Variants in CYP3A5 observed in about 807,000 individuals in gnomAD.
CYP3A5 encodes the protein cytochrome P450 3A5.
A neutral mutation model predicts 55.9 loss-of-function variants in CYP3A5; 51 were observed. The observed-to-expected ratio is 0.91, with a 90% CI of 0.73 to 1.15. CYP3A5 has a LOEUF of 1.15. Among genes scored for constraint, CYP3A5 ranks in the 50% most tolerant of loss-of-function variants. The pLI is 0.00. For synonymous variants in CYP3A5, 196 were observed against 213.9 expected, an observed-to-expected ratio of 0.92 and a Z score of 0.73; for missense variants, 533 against 596.6, an observed-to-expected ratio of 0.89 and a Z score of 1.11.
intron 1 of CYP3A5, among the ~76,000 whole-genome samples, chr7:99,679,128 C>T (rs961396734): frequency 6.6e-6 from 1 of 152,132 alleles, no homozygotes; most frequent in African/African-American, 2.4e-5. Flanking sequence ...AATAAATCCT[C>T]GAAACTTCCT....
At chr7:99,671,883 G>A (rs188854304) in intron 4 of CYP3A5, 52 of 701,750 alleles carry the variant, frequency 7.4e-5, no homozygotes, top group African/African-American at 3.3e-4. Flanking sequence ...ACAAATCTAC[G>A]AATGTGAAAA....
At chr7:99,677,821 GAACTTTAAACACATTACCTGACC>G (rs1252621523) in intron 1 of CYP3A5, among the ~76,000 whole-genome samples, 6 of 152,200 alleles carry the variant, frequency 3.9e-5, no homozygotes, top group African/African-American at 1.4e-4. Context: ...CTCTGCTCCT[GAACTTTAAACACATTACCTGACC>G]TCTCAGGTGA....
chr7:99,664,113 C>G lies in CYP3A5; in HGVS notation c.671-18G>C, dbSNP rs957586397. On this transcript the variant is annotated intron_variant, in intron 7 of 12. Coordinates refer to ENST00000222982, the MANE Select transcript of CYP3A5 (RefSeq NM_000777.5). ...AAAGAGTACTGTGGGAAAAACAAAA[C>G]AAACAAAAGGAAATCATTGAAAATG... 5 of 1,546,794 alleles carry G rather than the reference C, an allele frequency of 3.2e-6. No individual in the cohort carries two copies. The Admixed American group carries it at 9.4e-5, about 29-fold the overall frequency.
chr7:99,650,887 C>A (rs1020890076), intron 11 of CYP3A5, among the ~76,000 whole-genome samples: 4 of 152,180 alleles, frequency 2.6e-5, no homozygotes, highest in African/African-American at 9.7e-5. Context: ...GTCATCCCTG[C>A]TTTCCTTGAT....
intron 4 of CYP3A5, among the ~76,000 whole-genome samples, chr7:99,669,853 C>G (rs988677281): frequency 1.2e-4 from 19 of 152,144 alleles, no homozygotes; most frequent in African/African-American, 3.9e-4. Context: ...GCTACAGATG[C>G]TGCCCTGGCG....
At chr7:99,677,487 T>C (rs1378250117) in intron 1 of CYP3A5, among the ~76,000 whole-genome samples, 1 of 152,238 alleles carries the variant, frequency 6.6e-6, no homozygotes, top group African/African-American at 2.4e-5. Flanking sequence ...TAAGTAATGA[T>C]AAAACGTCCC....
intron 2 of CYP3A5, 138 bp downstream of exon 2, chr7:99,675,977 G>T: frequency 1.4e-6 from 1 of 693,058 alleles, no homozygotes; most frequent in Non-Finnish European, 2.4e-6. Context: ...TTACAGGCAT[G>T]ATCCACTGCA....
chr7:99,662,779 TC>T lies in CYP3A5; in HGVS notation c.865+36del. The T allele has an allele frequency of 6.3e-7, 1 of 1,582,086 alleles. No homozygotes were observed. Among genetic ancestry groups the T allele is most frequent in the Non-Finnish European group, 8.7e-7 (1 of 1,151,794 alleles). ...CAGAACAAGGCCCTCCCTCTTAGTG[TC>T]CCCGCCAGTAGCCCTCAGAAGCACT... is the stretch of plus-strand genomic sequence containing the variant. On this transcript the variant is annotated intron_variant, in intron 9 of 12. Coordinates refer to ENST00000222982, the MANE Select transcript of CYP3A5 (RefSeq NM_000777.5). The surrounding 1 kb of genome is among the most constrained non-coding windows in gnomAD (Gnocchi z 4.3).
At chr7:99,654,833 G>A (rs1809549799) in intron 10 of CYP3A5, among the ~76,000 whole-genome samples, 1 of 152,206 alleles carries the variant, frequency 6.6e-6, no homozygotes, top group Non-Finnish European at 1.5e-5. Flanking sequence ...TTGATGGCCA[G>A]TGATGATGAA....
At chr7:99,660,811 A>C (rs1380515225) in intron 9 of CYP3A5, 152 bp from the exon 10 acceptor site, 3 of 899,744 alleles carry the variant, frequency 3.3e-6, no homozygotes, top group Non-Finnish European at 4.9e-6. Flanking sequence ...TCTGATATGT[A>C]TCTTATACAG....
intron 4 of CYP3A5, among the ~76,000 whole-genome samples, chr7:99,669,795 AAT>A (rs1422696147): frequency 6.6e-6 from 1 of 152,192 alleles, no homozygotes; most frequent in African/African-American, 2.4e-5. Context: ...AGCAGTGAAA[AAT>A]ATGTTAAAGC....
intron 3 of CYP3A5, 187 bp downstream of exon 3, chr7:99,674,346 C>G (rs1017782839): frequency 1.3e-5 from 6 of 474,924 alleles, no homozygotes; most frequent in African/African-American, 1.2e-4. Flanking sequence ...TTTATAACGG[C>G]AAGCAGATTC....
At chr7:99,671,810 G>A (rs2151440981) in intron 4 of CYP3A5, 2 of 702,904 alleles carry the variant, frequency 2.8e-6, no homozygotes, top group Non-Finnish European at 5.2e-6. Flanking sequence ...GTGACTGTAG[G>A]ACAGCAGGAG....
In CYP3A5 at chr7:99,662,683, A is replaced by T; in HGVS notation, c.865+133T>A. 2 of 822,028 alleles carry T rather than the reference A, an allele frequency of 2.4e-6. No homozygotes were observed. The highest frequency in any genetic ancestry group is 2.0e-6 in the Non-Finnish European group (1 of 510,418). The allele number at this position is 822,028 out of a possible 1,614,324, so 50.9% of individuals were successfully genotyped here. On this transcript the variant is annotated intron_variant, in intron 9 of 12. Coordinates refer to ENST00000222982, the MANE Select transcript of CYP3A5 (RefSeq NM_000777.5). The surrounding 1 kb of genome is among the most constrained non-coding windows in gnomAD (Gnocchi z 4.3). ...AAAGTGCCTCCAGCTACCATTTATA[A>T]CATCTAAATGTGTGTTGTTCTGCTA...
intron 4 of CYP3A5, among the ~76,000 whole-genome samples, chr7:99,669,635 C>T (rs1811381299): frequency 6.6e-6 from 1 of 152,044 alleles, no homozygotes; most frequent in African/African-American, 2.4e-5. Flanking sequence ...AAATTTTATG[C>T]TTTGGTGATG....
intron 6 of CYP3A5, among the ~76,000 whole-genome samples, chr7:99,665,696 C>G (rs1425289335): frequency 1.3e-5 from 2 of 152,242 alleles, no homozygotes; most frequent in Non-Finnish European, 2.9e-5. Flanking sequence ...CTAGTGGATT[C>G]AAGAAAGGTG....
At chr7:99,656,730 A>T (rs1809778287) in intron 10 of CYP3A5, among the ~76,000 whole-genome samples, 1 of 152,134 alleles carries the variant, frequency 6.6e-6, no homozygotes, top group Admixed American at 6.5e-5. Context: ...TTTGGTTGGT[A>T]AGCTATTAAT....
chr7:99,668,772 A>G (rs1811288450), intron 4 of CYP3A5, among the ~76,000 whole-genome samples: 1 of 152,240 alleles, frequency 6.6e-6, no homozygotes, highest in African/African-American at 2.4e-5. Flanking sequence ...TACACCAGAC[A>G]CTGTCGCCAT....
intron 10 of CYP3A5, among the ~76,000 whole-genome samples, chr7:99,654,402 G>C (rs539018200): frequency 6.6e-6 from 1 of 152,134 alleles, no homozygotes; most frequent in Admixed American, 6.6e-5. Context: ...CTCTACAAAG[G>C]ACATGAACTC....
Sources: allele counts gnomAD v4.1 joint callset (sites outside exome capture counted in the v4.1 genomes callset), GRCh38; gene constraint gnomAD v4.1.1; non-coding constraint Gnocchi (gnomAD v3.1); transcripts MANE v1.5; gene names NCBI Gene and HGNC (gene_info 2026-07-23, HGNC 2026-07-21).